The following EARS2 variants were observed in gnomAD, a reference collection of about 807,000 sequenced individuals.
The protein encoded by EARS2 is nondiscriminating glutamyl-tRNA synthetase EARS2, mitochondrial.
In EARS2, 50 loss-of-function variants were observed where a neutral mutation model predicts 54.1. The observed-to-expected ratio is 0.92, with a 90% CI of 0.74 to 1.17. The LOEUF (loss-of-function observed/expected upper bound fraction) is 1.17, where lower values mean the gene tolerates loss of function less well. Among genes scored for constraint, EARS2 ranks in the 50% most tolerant of loss-of-function variants. EARS2 has a pLI of 0.00. For synonymous variants in EARS2, 298 were observed against 281.0 expected, an observed-to-expected ratio of 1.06 and a Z score of -0.61; for missense variants, 673 against 675.0, an observed-to-expected ratio of 1.00 and a Z score of 0.03.
rs144485501 is a variant in EARS2 at position 23,547,537 on chromosome 16, G to C, written c.296-2834C>G. On this transcript the variant is annotated intron_variant, in intron 2 of 8. Transcript: ENST00000449606. ...TTTTTTTCCCCGAAGACAGAGTCTA[G>C]CTCTGTCACCCAGGCTGGAGTGCAG... Among the ~76,000 whole-genome samples the C allele has an allele frequency of 2.9e-3, 438 of 152,122 alleles. 5 individuals carry two copies. The highest frequency in any genetic ancestry group is 9.1e-3 in the East Asian group (47 of 5,166).
chr16:23,524,581 G>A (rs1157935327), intron 8 of EARS2, 127 bp from the exon 9 acceptor site: 5 of 772,662 alleles, frequency 6.5e-6, no homozygotes, highest in African/African-American at 1.7e-5. Flanking sequence ...CTGAGGATCA[G>A]TGCTTGTGTT....
At chr16:23,541,376 ATGTT>A (rs1262211738) in intron 3 of EARS2, among the ~76,000 whole-genome samples, 1 of 152,152 alleles carries the variant, frequency 6.6e-6, no homozygotes, top group Non-Finnish European at 1.5e-5. Context: ...ACAAAAATAA[ATGTT>A]TGTTAAGACG....
chr16:23,540,458 A>G (rs1965493644), intron 3 of EARS2, among the ~76,000 whole-genome samples: 1 of 152,230 alleles, frequency 6.6e-6, no homozygotes, highest in Non-Finnish European at 1.5e-5. Flanking sequence ...TTACAATGCT[A>G]TTGCAGATGG....
Position 23,555,432 on chromosome 16 carries a change from G to C in EARS2, c.139+1773C>G, listed in dbSNP as rs560036030. Among the ~76,000 whole-genome samples, 7 of 152,316 alleles carry C rather than the reference G, an allele frequency of 4.6e-5. No individual in the cohort carries two copies. The South Asian group carries it at 1.2e-3, about 27-fold the overall frequency. On this transcript the variant is annotated intron_variant, in intron 1 of 8. Coordinates refer to ENST00000449606, the MANE Select transcript of EARS2 (RefSeq NM_001083614.2). ...GAGCCCCGGAGGCTGAGGTTGCAGT[G>C]AGCCGAGATTGCACCACTGCACTCC...
At chr16:23,548,501 C>T (rs1220978725) in intron 2 of EARS2, among the ~76,000 whole-genome samples, 7 of 152,086 alleles carry the variant, frequency 4.6e-5, no homozygotes, top group Non-Finnish European at 7.3e-5. Flanking sequence ...TCATGCCTGG[C>T]GTGGTACCTG....
chr16:23,527,547 GTTCT>G (rs1965249891), intron 7 of EARS2, among the ~76,000 whole-genome samples: 2 of 129,886 alleles, frequency 1.5e-5, no homozygotes, highest in South Asian at 2.4e-4. Context: ...AAGAGTGATC[GTTCT>G]TTTTTTTTTT....
At chr16:23,541,649 A>C (rs1451669846) in intron 3 of EARS2, among the ~76,000 whole-genome samples, 1 of 152,024 alleles carries the variant, frequency 6.6e-6, no homozygotes, top group Non-Finnish European at 1.5e-5. Flanking sequence ...TTGAGTGGCC[A>C]GAGTCAAGAT....
rs1196541729 is a variant in EARS2, at chr16:23,552,260, T to C, written c.184A>G (p.Ile62Val). 1.2e-6 allele frequency: 2 copies of C among 1,614,190 alleles called. No individual in the cohort carries two copies. The highest frequency in any genetic ancestry group is 8.5e-7 in the Non-Finnish European group (1 of 1,180,030). Reference protein sequence around the residue: ...GGLRTALYNYIFAKKYQGSFI... With the variant: ...GGLRTALYNYVFAKKYQGSFI... ...CTCCCCTGGTACTTCTTAGCAAAGATGTAGTTGTACAAGGCAGTGCGGAGG... is the reference window on the plus strand; with the variant it reads ...CTCCCCTGGTACTTCTTAGCAAAGACGTAGTTGTACAAGGCAGTGCGGAGG... The change falls in exon 2 of 9, where the codon ATC (isoleucine) becomes GTC (valine). Residue 62 changes from isoleucine (I) to valine (V), a missense_variant. Ile to Val is a conservative substitution (Grantham distance 29). Around this residue, in one of 3 missense-constraint regions of EARS2, gnomAD observed 316 missense variants for 275.2 expected, o/e 1.15. Transcript: ENST00000449606.
In EARS2 at chr16:23,544,657, G is replaced by T; in HGVS notation, c.342C>A (p.Pro114=). The change falls in exon 3 of 9, where the codon CCC becomes CCA. Residue 114 remains proline, a synonymous_variant. Coordinates refer to ENST00000449606, the MANE Select transcript of EARS2 (RefSeq NM_001083614.2). The part of the protein sequence containing the change: ...ESPRRGGPAG[P]YQQSQRLELY... ...GCTCCAACCGCTGAGATTGCTGGTA[G>T]GGCCCAGCAGGACCGCCCCGGCGGG... The T allele has an allele frequency of 6.2e-7, 1 of 1,610,454 alleles. No individual in the cohort carries two copies. The highest frequency in any genetic ancestry group is 8.5e-7 in the Non-Finnish European group (1 of 1,178,982).
intron 2 of EARS2, 133 bp from the exon 3 acceptor site, chr16:23,544,836 C>T (rs896570205): frequency 2.5e-6 from 2 of 812,506 alleles, no homozygotes; most frequent in Non-Finnish European, 3.7e-6. Context: ...GTACAATGTC[C>T]TCCCCGCCGC....
At chr16:23,538,221 G>T (rs1597016234) in intron 3 of EARS2, among the ~76,000 whole-genome samples, 1 of 152,020 alleles carries the variant, frequency 6.6e-6, no homozygotes, top group South Asian at 2.1e-4. Flanking sequence ...ACCCAGGCTG[G>T]AGTGCAGCGG....
chr16:23,531,483 G>A (rs1220350850), intron 5 of EARS2, among the ~76,000 whole-genome samples: 1 of 151,968 alleles, frequency 6.6e-6, no homozygotes, highest in African/African-American at 2.4e-5. Context: ...GGATGGTCTC[G>A]ATCTCCTGAC....
At chr16:23,536,676 T>C (rs1199287217) in intron 3 of EARS2, among the ~76,000 whole-genome samples, 2 of 150,414 alleles carry the variant, frequency 1.3e-5, no homozygotes, top group East Asian at 2.0e-4. Context: ...AAAAAACTTT[T>C]TTTTTCTTTT....
chr16:23,538,073 G>A (rs549967422), intron 3 of EARS2, among the ~76,000 whole-genome samples: 2 of 131,634 alleles, frequency 1.5e-5, no homozygotes, highest in Admixed American at 8.3e-5. Context: ...ATGAGCCACC[G>A]CACCTAGCTG....
intron 3 of EARS2, among the ~76,000 whole-genome samples, chr16:23,540,800 C>G (rs192178419): frequency 1.3e-5 from 2 of 151,944 alleles, no homozygotes; most frequent in Non-Finnish European, 2.9e-5. Flanking sequence ...CTGGGTAACA[C>G]GGTGAAACCC....
rs914574530 is a variant in EARS2 at position 23,547,745 on chromosome 16, C to T, written c.296-3042G>A. On this transcript the variant is annotated intron_variant, in intron 2 of 8. Transcript: ENST00000449606. ...GTCTGGAACTCCTGACTTTGTGATCCGCCTGCCCAGACAAGAGCCACCCCA... is the reference window on the plus strand; with the variant it reads ...GTCTGGAACTCCTGACTTTGTGATCTGCCTGCCCAGACAAGAGCCACCCCA... 5.3e-5 allele frequency among the ~76,000 whole-genome samples: 8 copies of T among 151,988 alleles called. 1 individual carries two copies. In the South Asian group the frequency reaches 8.3e-4, roughly 16 times the overall value.
At chr16:23,540,687 T>C (rs1349252017) in intron 3 of EARS2, among the ~76,000 whole-genome samples, 1 of 152,104 alleles carries the variant, frequency 6.6e-6, no homozygotes, top group African/African-American at 2.4e-5. Flanking sequence ...CCAGTAGTCC[T>C]AGCACTTTGG....
In EARS2 at chr16:23,521,748, A is replaced by G. The variant is rs992423264; in HGVS notation, c.*2623T>C. 4 of 455,950 alleles carry G rather than the reference A, an allele frequency of 8.8e-6. No homozygotes were observed. The highest frequency in any genetic ancestry group is 1.8e-5 in the Non-Finnish European group (4 of 226,810). The allele number at this position is 455,950 out of a possible 1,614,324, so 28.2% of individuals were successfully genotyped here. On this transcript the variant is annotated 3_prime_UTR_variant, in exon 9 of 9. Transcript: ENST00000449606. ...TTCATCCATGTTGTAGATATACCAG[A>G]ATCGACTTAGTATTTTGACCACTCA...
chr16:23,532,800 T>C, intron 4 of EARS2, 35 bp from the exon 5 acceptor site: 1 of 1,463,320 alleles, frequency 6.8e-7, no homozygotes, highest in Non-Finnish European at 9.5e-7. Context: ...CTCAGCTTCC[T>C]CTCTCCCTTC....
Sources: gnomAD v4.1 joint callset for allele counts (sites outside exome capture counted in the v4.1 genomes callset) on GRCh38, gnomAD v4.1.1 for gene constraint, gnomAD v4.1.1 regional missense constraint, MANE v1.5 for transcripts, NCBI Gene and HGNC (gene_info 2026-07-23, HGNC 2026-07-21) for gene names.